Variants in MRTO4 observed in about 807,000 individuals in gnomAD.
The protein encoded by MRTO4 is MRT4 homolog, ribosome maturation factor, also known as mRNA turnover protein 4 homolog.
Under a neutral mutation model 28.6 loss-of-function variants are expected in MRTO4, and 7 were observed. The ratio of observed to expected loss-of-function variants is 0.24; its 90% confidence interval spans 0.14 to 0.46. The LOEUF (loss-of-function observed/expected upper bound fraction) is 0.46, where lower values mean the gene tolerates loss of function less well. Among genes scored for constraint, MRTO4 ranks in the 20% least tolerant of loss-of-function variants. The probability of loss-of-function intolerance (pLI) is 0.99; values close to 1 mark genes in which losing one functional copy is unlikely to be tolerated. For missense variants in MRTO4, 302 were observed against 298.3 expected (o/e 1.01, Z -0.09); for synonymous variants, 113 against 108.2 (o/e 1.04, Z -0.27).
intron 1 of MRTO4, 80 bp from the exon 2 acceptor site, chr1:19,254,702 T>C (rs1029036068): frequency 3.0e-5 from 36 of 1,203,142 alleles, no homozygotes; most frequent in Middle Eastern, 1.9e-4. Context: ...GAGTGCTCTC[T>C]GCCAAAGGGG....
intron 3 of MRTO4, among the ~76,000 whole-genome samples, 159 bp from the exon 4 acceptor site, chr1:19,256,905 C>T (rs372702431): frequency 3.3e-5 from 5 of 152,098 alleles, no homozygotes; most frequent in East Asian, 1.9e-4. Context: ...AAAGGGACCC[C>T]AACGTGGGGA....
intron 3 of MRTO4, 81 bp from the exon 4 acceptor site, chr1:19,256,983 C>G: frequency 7.3e-7 from 1 of 1,378,124 alleles, no homozygotes; most frequent in Non-Finnish European, 1.0e-6. Context: ...TCACTGGGGA[C>G]CGGAGCTACT....
chr1:19,258,532 C>T lies in MRTO4; in HGVS notation c.549C>T (p.Thr183=), dbSNP rs2093675024. The T allele has an allele frequency of 6.2e-7, 1 of 1,614,098 alleles. No homozygotes were observed. Among genetic ancestry groups the T allele is most frequent in the Non-Finnish European group, 8.5e-7 (1 of 1,180,046 alleles). ...TGTGCAAGGAGGGCGATGTGCTGAC[C>T]CCAGAGCAGGCTCGCGTCCTGGTGA... ...YEVCKEGDVL[T]PEQARVLKLF... Residue 183 remains threonine, a synonymous_variant, in exon 7 of 8, where the codon ACC becomes ACT. Transcript: ENST00000330263.
intron 2 of MRTO4, among the ~76,000 whole-genome samples, chr1:19,255,251 T>C (rs931539329): frequency 7.9e-5 from 12 of 151,970 alleles, no homozygotes; most frequent in Non-Finnish European, 4.4e-5. Context: ...CCCAGCACTT[T>C]GGGAGGCCAA....
In MRTO4 at chr1:19,257,614, A is replaced by G. The variant is rs1329274371; in HGVS notation, c.341+93A>G. 6.7e-6 allele frequency: 10 copies of G among 1,502,612 alleles called. No homozygotes were observed. The East Asian group carries it at 2.3e-4, about 34-fold the overall frequency. The allele number at this position is 1,502,612 out of a possible 1,614,324, so 93.1% of individuals were successfully genotyped here. ...GGAACTTCGTTCCATATGTGGCATC[A>G]AGTTGGAACTGCTCCTGGAAGCCTG... On this transcript the variant is annotated intron_variant, in intron 5 of 7. Transcript: ENST00000330263.
chr1:19,252,125 C>T (rs2093662239), intron 1 of MRTO4: 2 of 537,828 alleles, frequency 3.7e-6, no homozygotes, highest in East Asian at 6.4e-5. Flanking sequence ...GGTCGGGAGG[C>T]AGCTCCTGAA....
At chr1:19,257,692 T>G (rs1376750531) in intron 5 of MRTO4, 141 bp from the exon 6 acceptor site, 1 of 1,356,948 alleles carries the variant, frequency 7.4e-7, no homozygotes, top group Admixed American at 1.9e-5. Context: ...TCCAGCATGG[T>G]GCTCTGGGCT....
intron 4 of MRTO4, 25 bp downstream of exon 4, chr1:19,257,170 G>A (rs753379337): frequency 6.2e-7 from 1 of 1,610,482 alleles, no homozygotes; most frequent in East Asian, 2.2e-5. Flanking sequence ...CTCACGGGGT[G>A]GAGCTAAGGC....
At chr1:19,258,034 C>T (rs1051892264) in intron 6 of MRTO4, 50 bp downstream of exon 6, 5 of 1,586,868 alleles carry the variant, frequency 3.2e-6, no homozygotes, top group African/African-American at 1.4e-5. Context: ...TCCAAGAGCA[C>T]GGGCCTGCAA....
intron 4 of MRTO4, 45 bp from the exon 5 acceptor site, chr1:19,257,408 AC>A: frequency 6.2e-7 from 1 of 1,608,036 alleles, no homozygotes; most frequent in Non-Finnish European, 8.5e-7. Flanking sequence ...CTAGTAGAGA[AC>A]CACTGCTCTA....
intron 1 of MRTO4, among the ~76,000 whole-genome samples, chr1:19,253,056 G>C (rs190986842): frequency 6.6e-6 from 1 of 152,310 alleles, no homozygotes; most frequent in Admixed American, 6.5e-5. Flanking sequence ...AGGCGTTAGA[G>C]GATACAGCAG....
Position 19,257,470 on chromosome 1 carries a change from G to T in MRTO4, c.290G>T (p.Arg97Met), listed in dbSNP as rs1241750912. The T allele has an allele frequency of 1.2e-6, 2 of 1,614,246 alleles. No individual in the cohort carries two copies. The highest frequency in any genetic ancestry group is 3.3e-5 in the Admixed American group (2 of 60,028). ...DNLHQVSKRL[R>M]GEVGLLFTNR... is the part of the protein sequence containing the mutation. Reference sequence around the variant, plus strand: ...GATTTGTAGGTCAGCAAAAGGTTGAGGGGTGAGGTGGGTCTCCTGTTCACC... The same window carrying T: ...GATTTGTAGGTCAGCAAAAGGTTGATGGGTGAGGTGGGTCTCCTGTTCACC... The change falls in exon 5 of 8, where the codon AGG (arginine) becomes ATG (methionine). Residue 97 changes from arginine (R) to methionine (M), a missense_variant. Physicochemically the swap from Arg to Met is moderately conservative, Grantham distance 91 (BLOSUM62 -1). Coordinates refer to ENST00000330263, the MANE Select transcript of MRTO4 (RefSeq NM_016183.4).
At position 19,258,832 on chromosome 1, in the gene MRTO4, A is replaced by T. The variant is rs1280638254; in HGVS notation, c.*2A>T. ...TCAGACTCAGAAGATGATGACTGAA[A>T]GGGACTCGGGACTGAAGGTCTCCTG... On this transcript the variant is annotated 3_prime_UTR_variant, in exon 8 of 8. Transcript: ENST00000330263. 4.3e-6 allele frequency: 7 copies of T among 1,613,668 alleles called. No individual in the cohort carries two copies. Among genetic ancestry groups the T allele is most frequent in the Non-Finnish European group, 4.2e-6 (5 of 1,179,828 alleles).
chr1:19,258,580 G>A (rs1290839503), intron 7 of MRTO4, 27 bp downstream of exon 7: 1 of 1,614,002 alleles, frequency 6.2e-7, no homozygotes, highest in African/African-American at 1.3e-5. Flanking sequence ...GCGGGCTGTT[G>A]CGGGCGGGGT....
chr1:19,253,974 G>A (rs2093667660), intron 1 of MRTO4, among the ~76,000 whole-genome samples: 1 of 152,122 alleles, frequency 6.6e-6, no homozygotes, highest in African/African-American at 2.4e-5. Context: ...GCGTCTTTGG[G>A]TCCAAATTGC....
intron 6 of MRTO4, 55 bp downstream of exon 6, chr1:19,258,039 C>T (rs770677334): frequency 1.5e-5 from 24 of 1,577,018 alleles, no homozygotes; most frequent in Non-Finnish European, 1.9e-5. Flanking sequence ...GAGCACGGGC[C>T]TGCAAGCTCA....
chr1:19,254,941 T>C, intron 2 of MRTO4, 101 bp downstream of exon 2: 1 of 1,030,016 alleles, frequency 9.7e-7, no homozygotes, highest in Non-Finnish European at 1.4e-6. Context: ...GGGAACATAC[T>C]AGTGGGGAAA....
chr1:19,259,019 T>G lies in MRTO4; in HGVS notation c.*189T>G. 1.5e-6 allele frequency: 1 copy of G among 665,418 alleles called. No homozygotes were observed. The highest frequency in any genetic ancestry group is 2.2e-5 in the South Asian group (1 of 46,462). The allele number at this position is 665,418 out of a possible 1,614,324, so 41.2% of individuals were successfully genotyped here. On this transcript the variant is annotated 3_prime_UTR_variant, in exon 8 of 8. Transcript: ENST00000330263. ...GGCTCACGCCTGGAATCCCAGCACT[T>G]TGGGAAGCCGAGGTGGGCAGATCAT...
chr1:19,257,926 C>G lies in MRTO4; in HGVS notation c.435C>G (p.Phe145Leu). ...TGGATCCAGGGCCCCTGGAGCAGTT[C>G]CCCCACTCCATGGAGCCACAGCTCA... Reference protein sequence around the residue: ...VSLDPGPLEQFPHSMEPQLRQ... With the variant: ...VSLDPGPLEQLPHSMEPQLRQ... The change falls in exon 6 of 8, where the codon TTC (phenylalanine) becomes TTG (leucine). Residue 145 changes from phenylalanine (F) to leucine (L), a missense_variant. Coordinates refer to ENST00000330263, the MANE Select transcript of MRTO4 (RefSeq NM_016183.4). 1 of 1,614,078 alleles carries G rather than the reference C, an allele frequency of 6.2e-7. No homozygotes were observed. Among genetic ancestry groups the G allele is most frequent in the Non-Finnish European group, 8.5e-7 (1 of 1,180,014 alleles).
Sources: allele counts gnomAD v4.1 joint callset (sites outside exome capture counted in the v4.1 genomes callset), GRCh38; gene constraint gnomAD v4.1.1; transcripts MANE v1.5; gene names NCBI Gene and HGNC (gene_info 2026-07-23, HGNC 2026-07-21).